The following ENOX2 variants were observed in gnomAD, a reference collection of about 807,000 sequenced individuals.
The protein encoded by ENOX2 is ecto-NOX disulfide-thiol exchanger 2, also known as APK1 antigen.
In ENOX2, 36 loss-of-function variants were observed where a neutral mutation model predicts 45.0. That is an observed-to-expected ratio of 0.80 (90% CI 0.61 to 1.06). The LOEUF (loss-of-function observed/expected upper bound fraction) is 1.06. Ranked by LOEUF, ENOX2 falls within the 50% of genes least tolerant of loss-of-function variation. The pLI, the probability that ENOX2 is intolerant of heterozygous loss-of-function variation, is 0.00. For synonymous variants in ENOX2, 174 were observed against 152.3 expected (o/e 1.14, Z -1.05); for missense variants, 423 against 462.5 (o/e 0.91, Z 0.78).
intron 3 of ENOX2, among the ~76,000 whole-genome samples, chrX:130,754,306 G>A (rs2039297598): frequency 8.9e-6 from 1 of 112,139 alleles, no homozygotes; most frequent in African/African-American, 3.2e-5. Flanking sequence ...ATAGTCTTTG[G>A]CTTGCGAAAA....
intron 9 of ENOX2, among the ~76,000 whole-genome samples, chrX:130,657,655 G>C (rs1171071529): frequency 8.9e-6 from 1 of 112,658 alleles, no homozygotes; most frequent in African/African-American, 3.2e-5. Flanking sequence ...CCATCCAAGA[G>C]ATAGAATTCC....
chrX:130,774,975 T>C (rs946816139), intron 3 of ENOX2, among the ~76,000 whole-genome samples: 3 of 112,257 alleles, frequency 2.7e-5, no homozygotes, highest in Non-Finnish European at 5.6e-5. Context: ...TTGGTTCTTG[T>C]CCCCACTTGT....
At chrX:130,697,351 A>G (rs2037789846) in intron 4 of ENOX2, among the ~76,000 whole-genome samples, 1 of 112,468 alleles carries the variant, frequency 8.9e-6, no homozygotes, top group Non-Finnish European at 1.9e-5. Context: ...TGACACTTGC[A>G]ACATGATAGT....
chrX:130,850,215 G>A lies in ENOX2; in HGVS notation c.-183+51469C>T, dbSNP rs1319626707. On this transcript the variant is annotated intron_variant, in intron 2 of 14. Coordinates refer to ENST00000394363, the MANE Select transcript of ENOX2 (RefSeq NM_006375.4). ...TGGGGAAAACAAAATAAATAAAATG[G>A]GAATGCACTTGAGGGGAAGGGGGGC... Among the ~76,000 whole-genome samples the A allele has an allele frequency of 2.7e-5, 3 of 111,296 alleles. No individual in the cohort carries two copies. In the South Asian group the frequency reaches 1.1e-3, roughly 42 times the overall value.
At chrX:130,838,375 T>G (rs933066739) in intron 2 of ENOX2, among the ~76,000 whole-genome samples, 8 of 111,331 alleles carry the variant, frequency 7.2e-5, no homozygotes, top group Non-Finnish European at 1.5e-4. Context: ...AGAGCGAAAC[T>G]CTGTCTCAAA....
At chrX:130,844,878 C>G (rs1389558321) in intron 2 of ENOX2, among the ~76,000 whole-genome samples, 1 of 111,794 alleles carries the variant, frequency 8.9e-6, no homozygotes, top group Non-Finnish European at 1.9e-5. Context: ...CTGCTGGTCC[C>G]TGGGGGAGGA....
intron 2 of ENOX2, among the ~76,000 whole-genome samples, chrX:130,869,043 T>G (rs1010734016): frequency 1.8e-5 from 2 of 111,779 alleles, no homozygotes; most frequent in Non-Finnish European, 3.8e-5. Context: ...CAGATTCAAA[T>G]ACTGTGTGGG....
intron 2 of ENOX2, among the ~76,000 whole-genome samples, chrX:130,864,125 T>C (rs1028627214): frequency 3.6e-5 from 4 of 110,776 alleles, no homozygotes; most frequent in Non-Finnish European, 5.7e-5. Flanking sequence ...TGAGTGTATA[T>C]ATATTTATAT....
chrX:130,654,453 A>C (rs980745872), intron 10 of ENOX2, among the ~76,000 whole-genome samples: 9 of 108,396 alleles, frequency 8.3e-5, no homozygotes, highest in African/African-American at 1.4e-4. Context: ...AAAAAAAAAA[A>C]CAACAACAAC....
At chrX:130,892,021 G>A (rs2078994255) in intron 2 of ENOX2, among the ~76,000 whole-genome samples, 1 of 111,987 alleles carries the variant, frequency 8.9e-6, no homozygotes, top group South Asian at 3.7e-4. Context: ...GGAGGAAGTA[G>A]TCCCTACCTT....
chrX:130,722,145 G>A (rs1272507543), intron 3 of ENOX2, among the ~76,000 whole-genome samples: 1 of 111,718 alleles, frequency 9.0e-6, no homozygotes, highest in Non-Finnish European at 1.9e-5. Context: ...GGGGTGAGCT[G>A]GAACGAGAGA....
At chrX:130,673,702 T>C (rs2148135303) in intron 6 of ENOX2, among the ~76,000 whole-genome samples, 1 of 112,134 alleles carries the variant, frequency 8.9e-6, no homozygotes, top group South Asian at 3.7e-4. Flanking sequence ...ACCACACCTA[T>C]GAGTAATAGG....
chrX:130,697,006 ATT>A (rs2037779679), intron 4 of ENOX2, among the ~76,000 whole-genome samples: 2 of 111,230 alleles, frequency 1.8e-5, no homozygotes, highest in Admixed American at 1.9e-4. Context: ...ATGCTGATTT[ATT>A]TTATTTTTTT....
intron 2 of ENOX2, among the ~76,000 whole-genome samples, chrX:130,826,152 T>C: frequency 9.0e-6 from 1 of 111,409 alleles, no homozygotes; most frequent in Non-Finnish European, 1.9e-5. Context: ...CGATGTTTTA[T>C]GAAAGAATAG....
At chrX:130,716,773 TAATTC>T (rs949761191) in intron 3 of ENOX2, among the ~76,000 whole-genome samples, 1 of 112,629 alleles carries the variant, frequency 8.9e-6, no homozygotes, top group Non-Finnish European at 1.9e-5. Flanking sequence ...TTGCCACGTT[TAATTC>T]AATAGCTCTT....
chrX:130,869,002 T>C (rs2078531399), intron 2 of ENOX2, among the ~76,000 whole-genome samples: 1 of 112,044 alleles, frequency 8.9e-6, no homozygotes, highest in African/African-American at 3.2e-5. Context: ...CTAAGTCTAA[T>C]TGGAGAATGT....
chrX:130,897,411 A>G (rs1010842526), intron 2 of ENOX2, among the ~76,000 whole-genome samples: 1 of 112,340 alleles, frequency 8.9e-6, no homozygotes, highest in Admixed American at 9.4e-5. Context: ...GGATTGCTGG[A>G]AAATAAAGAA....
At chrX:130,716,863 C>G (rs1373005718) in intron 3 of ENOX2, among the ~76,000 whole-genome samples, 4 of 112,363 alleles carry the variant, frequency 3.6e-5, no homozygotes, top group Non-Finnish European at 7.5e-5. Flanking sequence ...TTATCCATTT[C>G]TGCTGTAACT....
intron 5 of ENOX2, among the ~76,000 whole-genome samples, chrX:130,688,617 G>C (rs1332806351): frequency 8.9e-6 from 1 of 111,928 alleles, no homozygotes; most frequent in Non-Finnish European, 1.9e-5. Context: ...TAACACACTT[G>C]AATTCCTTAC....
Sources: allele counts gnomAD v4.1 joint callset (sites outside exome capture counted in the v4.1 genomes callset), GRCh38; gene constraint gnomAD v4.1.1; transcripts MANE v1.5; gene names NCBI Gene and HGNC (gene_info 2026-07-23, HGNC 2026-07-21).